GRIP1: variants seen among roughly 807,000 people sequenced by gnomAD.
The protein encoded by GRIP1 is glutamate receptor interacting protein 1, also known as glutamate receptor-interacting protein 1.
GRIP1 carries 45 observed loss-of-function variants against 129.9 expected under a neutral mutation model. The ratio of observed to expected loss-of-function variants is 0.35; its 90% CI spans 0.27 to 0.44. The LOEUF (loss-of-function observed/expected upper bound fraction) is 0.44. Ranked by LOEUF, GRIP1 falls within the 20% of genes least tolerant of loss-of-function variation. The pLI, the probability that GRIP1 is intolerant of heterozygous loss-of-function variation, is 1.00. For synonymous variants in GRIP1, 530 were observed against 520.8 expected, an observed-to-expected ratio of 1.02 and a Z score of -0.24; for missense variants, 1,196 against 1,396.8, an observed-to-expected ratio of 0.86 and a Z score of 2.29.
intron 1 of GRIP1, among the ~76,000 whole-genome samples, chr12:66,696,164 T>C (rs1341014740): frequency 1.3e-5 from 2 of 152,118 alleles, no homozygotes; most frequent in African/African-American, 4.8e-5. Flanking sequence ...CTCATAACAC[T>C]TACCAGCTGT....
At chr12:66,578,237 T>TTTTTTTTG (rs1270716982) in intron 2 of GRIP1, among the ~76,000 whole-genome samples, 7 of 142,192 alleles carry the variant, frequency 4.9e-5, no homozygotes, top group East Asian at 4.2e-4. Flanking sequence ...CCGCGGTTTT[T>TTTTTTTTG]TTTTTTTTTT....
intron 1 of GRIP1, among the ~76,000 whole-genome samples, chr12:66,989,080 C>T (rs2042356788): frequency 6.6e-6 from 1 of 152,188 alleles, no homozygotes; most frequent in Non-Finnish European, 1.5e-5. Context: ...TCTCATAGGA[C>T]ACCTTATAAA....
intron 1 of GRIP1, among the ~76,000 whole-genome samples, chr12:66,943,283 C>T (rs1426542156): frequency 1.3e-5 from 2 of 152,172 alleles, no homozygotes; most frequent in Non-Finnish European, 1.5e-5. Flanking sequence ...CCTAGCACCT[C>T]TCCAGAGAGC....
chr12:67,016,168 C>G, intron 1 of GRIP1, among the ~76,000 whole-genome samples: 1 of 152,182 alleles, frequency 6.6e-6, no homozygotes, highest in African/African-American at 2.4e-5. Flanking sequence ...GCTTCATAGC[C>G]TGTGCTTGTG....
chr12:66,515,279 A>T (rs12579414), intron 7 of GRIP1, among the ~76,000 whole-genome samples: 71,000 of 151,646 alleles, frequency 0.47, 16,777 homozygotes, highest in African/African-American at 0.54. Flanking sequence ...TAAAAAAAAA[A>T]AGTACCAGTC....
intron 1 of GRIP1, among the ~76,000 whole-genome samples, chr12:66,668,437 T>G (rs568139305): frequency 5.6e-4 from 85 of 152,238 alleles, no homozygotes; most frequent in Non-Finnish European, 1.1e-3. Flanking sequence ...AATTTTGTCA[T>G]GCAGAATTAA....
At chr12:66,785,261 C>A (rs2038284504) in intron 1 of GRIP1, among the ~76,000 whole-genome samples, 2 of 148,502 alleles carry the variant, frequency 1.3e-5, no homozygotes, top group Non-Finnish European at 3.0e-5. Context: ...GAGTTCAAGA[C>A]CAGCCTGGGC....
intron 1 of GRIP1, among the ~76,000 whole-genome samples, chr12:66,979,096 C>G (rs2042197423): frequency 6.6e-6 from 1 of 151,804 alleles, no homozygotes; most frequent in Non-Finnish European, 1.5e-5. Context: ...CATGTGTGAC[C>G]TTTTTGAAGA....
intron 16 of GRIP1, among the ~76,000 whole-genome samples, chr12:66,395,796 T>C (rs914572774): frequency 6.6e-6 from 1 of 152,134 alleles, no homozygotes; most frequent in East Asian, 1.9e-4. Flanking sequence ...GCTGAGAAGC[T>C]CCCATATCAA....
chr12:66,612,203 C>A (rs2064830387), intron 1 of GRIP1, among the ~76,000 whole-genome samples: 1 of 152,162 alleles, frequency 6.6e-6, no homozygotes. Flanking sequence ...TAGGTGATTT[C>A]TTCCTTGTGC....
chr12:66,762,412 G>C (rs1722031518), intron 1 of GRIP1, among the ~76,000 whole-genome samples: 1 of 152,118 alleles, frequency 6.6e-6, no homozygotes, highest in Non-Finnish European at 1.5e-5. Context: ...AGGGGATGGA[G>C]CTTCTTAGTC....
At chr12:66,990,087 A>G (rs1223032485) in intron 1 of GRIP1, among the ~76,000 whole-genome samples, 1 of 152,238 alleles carries the variant, frequency 6.6e-6, no homozygotes, top group Non-Finnish European at 1.5e-5. Context: ...GGGATGGTAC[A>G]TAAGAAGGAT....
intron 23 of GRIP1, among the ~76,000 whole-genome samples, chr12:66,358,186 C>T (rs950604746): frequency 3.3e-5 from 5 of 152,312 alleles, no homozygotes; most frequent in Non-Finnish European, 7.3e-5. Context: ...TAAGCCACCA[C>T]GCCCAGCCTA....
At position 66,541,667 on chromosome 12, in the gene GRIP1, CGTGCCCCACT is replaced by C. The variant is rs1255001108; in HGVS notation, c.272+138_272+147del. The C allele has an allele frequency of 7.2e-6, 6 of 836,986 alleles. No homozygotes were observed. The African/African-American group carries it at 9.9e-5, about 14-fold the overall frequency. 51.8% of individuals were successfully genotyped at this position (836,986 alleles called of 1,614,324 possible). On this transcript the variant is annotated intron_variant, in intron 3 of 24. Transcript: ENST00000359742. ...CAGACCTGGGGAACAGCTTCTGAAA[CGTGCCCCACT>C]GTGCTTCTGCTGGCCTGTGCTGCCT...
intron 1 of GRIP1, among the ~76,000 whole-genome samples, chr12:66,997,316 T>A (rs775960285): frequency 6.6e-6 from 1 of 151,576 alleles, no homozygotes; most frequent in African/African-American, 2.4e-5. Flanking sequence ...CCACAGCACA[T>A]GTCTGTAATT....
rs773567910 is a variant in GRIP1 at position 66,455,424 on chromosome 12, C to T, written c.1339G>A (p.Asp447Asn). 3 of 1,614,046 alleles carry T rather than the reference C, an allele frequency of 1.9e-6. No homozygotes were observed. The highest frequency in any genetic ancestry group is 2.2e-5 in the East Asian group (1 of 44,896). ...TMMRRRLKKK[D>N]FKSSLSLASS... Reference sequence around the variant, plus strand: ...TTTCACTTACATGAGCTTTTGAAGTCTTTCTTTTTCAGTCTCCTCCTCATC... The same window carrying T: ...TTTCACTTACATGAGCTTTTGAAGTTTTTCTTTTTCAGTCTCCTCCTCATC... The change falls in exon 11 of 25, where the codon GAC becomes AAC. Residue 447 changes from aspartate to asparagine, a missense_variant. This residue lies in a region of GRIP1 where 508 missense variants were observed against 587.0 expected (regional missense o/e 0.87). Transcript: ENST00000359742.
chr12:66,377,309 G>A, intron 20 of GRIP1, 24 bp from the exon 21 acceptor site: 1 of 1,461,906 alleles, frequency 6.8e-7, no homozygotes, highest in Non-Finnish European at 9.6e-7. Flanking sequence ...ACACAGGCTG[G>A]GTTAGGAACT....
At chr12:66,537,519 CATAT>C (rs3047978) in intron 4 of GRIP1, among the ~76,000 whole-genome samples, 1 of 149,310 alleles carries the variant, frequency 6.7e-6, no homozygotes, top group Admixed American at 6.7e-5. Context: ...ATGGATATAT[CATAT>C]ATATATATAT....
chr12:66,991,265 T>A (rs1336350902), intron 1 of GRIP1, among the ~76,000 whole-genome samples: 1 of 151,940 alleles, frequency 6.6e-6, no homozygotes, highest in Non-Finnish European at 1.5e-5. Context: ...ACAGCAAGAC[T>A]CCGTCTCAAA....
Sources: allele counts gnomAD v4.1 joint callset (sites outside exome capture counted in the v4.1 genomes callset), GRCh38; gene constraint gnomAD v4.1.1; regional missense constraint gnomAD v4.1.1; transcripts MANE v1.5; gene names NCBI Gene and HGNC (gene_info 2026-07-23, HGNC 2026-07-21).